The following VPS13D variants were observed in gnomAD, a reference collection of about 807,000 sequenced individuals.
The protein encoded by VPS13D is vacuolar protein sorting 13 homolog D, also known as intermembrane lipid transfer protein VPS13D.
In VPS13D, 187 loss-of-function variants were observed where a neutral mutation model predicts 461.9. The ratio of observed to expected loss-of-function variants is 0.40; its 90% confidence interval spans 0.36 to 0.46. VPS13D has a LOEUF of 0.46. VPS13D is among the 20% of genes least tolerant of loss of function. VPS13D has a pLI of 0.60. For synonymous variants in VPS13D, 1,951 were observed against 1,986.3 expected, an observed-to-expected ratio of 0.98 and a Z score of 0.47; for missense variants, 4,711 against 5,364.9, an observed-to-expected ratio of 0.88 and a Z score of 3.81.
At chr1:12,341,232 A>T (rs1039826294) in intron 40 of VPS13D, among the ~76,000 whole-genome samples, 1 of 152,218 alleles carries the variant, frequency 6.6e-6, no homozygotes, top group Admixed American at 6.5e-5. Context: ...TTTGTTTGAA[A>T]AGCTTTGAGA....
intron 46 of VPS13D, among the ~76,000 whole-genome samples, chr1:12,351,556 C>A (rs1557726494): frequency 6.6e-6 from 1 of 151,766 alleles, no homozygotes; most frequent in East Asian, 1.9e-4. Flanking sequence ...TCCCAAAGTG[C>A]TGGGATTACA....
intron 65 of VPS13D, among the ~76,000 whole-genome samples, chr1:12,455,181 A>G (rs1557449142): frequency 6.6e-6 from 1 of 152,158 alleles, no homozygotes; most frequent in Non-Finnish European, 1.5e-5. Context: ...CTTTCCATCG[A>G]TTTCGTTTTT....
chr1:12,342,809 T>G, intron 41 of VPS13D, 90 bp from the exon 42 acceptor site: 26 of 1,430,118 alleles, frequency 1.8e-5, no homozygotes, highest in Non-Finnish European at 2.3e-5. Context: ...AATTGAGTTG[T>G]GAGAAGGTTC....
chr1:12,366,955 C>T (rs141127031), intron 52 of VPS13D, among the ~76,000 whole-genome samples: 436 of 152,258 alleles, frequency 2.9e-3, no homozygotes, highest in Non-Finnish European at 4.3e-3. Context: ...AAATATAATA[C>T]TATTGTCACA....
intron 2 of VPS13D, among the ~76,000 whole-genome samples, chr1:12,237,991 A>G (rs1416500392): frequency 6.6e-6 from 1 of 152,002 alleles, no homozygotes; most frequent in Non-Finnish European, 1.5e-5. Context: ...CCCCGTCTGT[A>G]CTAAAAATAT....
chr1:12,275,502 G>T (rs1641583106), intron 18 of VPS13D, among the ~76,000 whole-genome samples: 3 of 152,174 alleles, frequency 2.0e-5, no homozygotes, highest in African/African-American at 7.2e-5. Context: ...ACGTAAGAAA[G>T]GGTTGGTGAA....
At chr1:12,478,219 C>G (rs996380192) in intron 67 of VPS13D, among the ~76,000 whole-genome samples, 1 of 152,286 alleles carries the variant, frequency 6.6e-6, no homozygotes, top group Non-Finnish European at 1.5e-5. Flanking sequence ...ACCCTGTAGT[C>G]CTCCGAAGCA....
intron 65 of VPS13D, among the ~76,000 whole-genome samples, chr1:12,437,699 C>T (rs1006778455): frequency 3.9e-5 from 6 of 151,926 alleles, no homozygotes; most frequent in East Asian, 1.9e-4. Context: ...ATTTTTGATT[C>T]GTAGTTTTAG....
chr1:12,258,097 TGACAA>T lies in VPS13D; in HGVS notation c.1106_1110del (p.Asp369GlyfsTer7), dbSNP rs1243882264. The T allele has an allele frequency of 6.2e-7, 1 of 1,614,066 alleles. No homozygotes were observed. Among genetic ancestry groups the T allele is most frequent in the Non-Finnish European group, 8.5e-7 (1 of 1,180,008 alleles). On this transcript the variant is annotated frameshift_variant and splice_region_variant, in exon 10 of 70. Transcript: ENST00000620676. LOFTEE classifies it high-confidence loss of function. ...TAAAAGGAGGCCTGCTGTCCACAGA[TGACAA>T]GGTAAGTGGACTGTGGTCTTGTGTT...
At chr1:12,385,535 T>G (rs1644339376) in intron 59 of VPS13D, among the ~76,000 whole-genome samples, 162 bp downstream of exon 59, 2 of 152,238 alleles carry the variant, frequency 1.3e-5, no homozygotes, top group African/African-American at 2.4e-5. Context: ...GTGAATGTAT[T>G]ATGTAAATGA....
At chr1:12,235,210 G>T (rs1277151173) in intron 2 of VPS13D, among the ~76,000 whole-genome samples, 1 of 152,180 alleles carries the variant, frequency 6.6e-6, no homozygotes, top group Non-Finnish European at 1.5e-5. Flanking sequence ...ACCAGAGCAG[G>T]TTAGAGAGAA....
In VPS13D at chr1:12,369,649, G is replaced by A. The variant is rs779699599; in HGVS notation, c.10755G>A (p.Arg3585=). The A allele has an allele frequency of 7.6e-5, 122 of 1,614,036 alleles. 1 individual carries two copies. The Admixed American group carries it at 2.0e-3, about 27-fold the overall frequency. Residue 3585 remains arginine, a synonymous_variant, in exon 54 of 70, where the codon CGG becomes CGA. Coordinates refer to ENST00000620676, the MANE Select transcript of VPS13D (RefSeq NM_015378.4). ...NCNMNDFQDN[R]QLYYENFIYI... is the part of the protein sequence containing the mutation. ...ACATGAATGATTTCCAGGATAATCGGCAGCTTTATTATGAAAATTTCATTT... is the reference window on the plus strand; with the variant it reads ...ACATGAATGATTTCCAGGATAATCGACAGCTTTATTATGAAAATTTCATTT...
Position 12,355,977 on chromosome 1 carries a change from G to A in VPS13D, c.9758G>A (p.Arg3253Gln), listed in dbSNP as rs1191625571. ...ACCCAAAACTATATGGTGAGAATGCGACTCTATGACGTCAACCGTCGGCAG... is the reference window on the plus strand; with the variant it reads ...ACCCAAAACTATATGGTGAGAATGCAACTCTATGACGTCAACCGTCGGCAG... The part of the protein sequence containing the change: ...PGTQNYMVRM[R>Q]LYDVNRRQLN... Residue 3253 changes from arginine to glutamine, a missense_variant, in exon 48 of 70, where the codon CGA becomes CAA. Arg to Gln is a conservative substitution (Grantham distance 43). Around this residue, in one of 3 missense-constraint regions of VPS13D, gnomAD observed 4,411 missense variants for 4,937.8 expected, o/e 0.89. Transcript: ENST00000620676. The A allele has an allele frequency of 2.0e-5, 33 of 1,612,848 alleles. No individual in the cohort carries two copies. The highest frequency in any genetic ancestry group is 2.8e-5 in the Non-Finnish European group (33 of 1,179,482).
At chr1:12,381,995 TCC>T in intron 57 of VPS13D, among the ~76,000 whole-genome samples, 1 of 135,972 alleles carries the variant, frequency 7.4e-6, no homozygotes, top group Non-Finnish European at 1.6e-5. Context: ...TCTCTCTCTC[TCC>T]TTCCTTCCTT....
At position 12,311,699 on chromosome 1, in the gene VPS13D, A is replaced by C. The variant is rs563013550; in HGVS notation, c.6822+74A>C. The C allele has an allele frequency of 5.3e-4, 837 of 1,591,422 alleles. 1 individual carries two copies. The highest frequency in any genetic ancestry group is 6.4e-4 in the Non-Finnish European group (748 of 1,166,846). ...GGTCACCCTGTGTATCTATTCCTCA[A>C]ACTCACTTGGAGAAAGAAGGTGGAG... is the stretch of plus-strand genomic sequence containing the variant. On this transcript the variant is annotated intron_variant, in intron 28 of 69. Transcript: ENST00000620676.
chr1:12,257,119 A>G (rs778830429), intron 9 of VPS13D, 32 bp downstream of exon 9: 3 of 1,579,956 alleles, frequency 1.9e-6, no homozygotes, highest in African/African-American at 1.3e-5. Flanking sequence ...CATGAAATTC[A>G]TGTTAGAGCC....
intron 46 of VPS13D, 113 bp from the exon 47 acceptor site, chr1:12,353,858 AAAT>A: frequency 3.7e-6 from 4 of 1,084,308 alleles, no homozygotes; most frequent in African/African-American, 1.6e-5. Context: ...TGAAAACTGC[AAAT>A]AATTTTACTC....
intron 67 of VPS13D, among the ~76,000 whole-genome samples, chr1:12,484,743 A>G (rs1203646420): frequency 6.6e-6 from 1 of 152,218 alleles, no homozygotes; most frequent in Non-Finnish European, 1.5e-5. Flanking sequence ...AAGTACAGAT[A>G]AAAGCTGGTT....
intron 65 of VPS13D, among the ~76,000 whole-genome samples, chr1:12,436,572 A>G (rs1011212683): frequency 6.6e-6 from 1 of 152,138 alleles, no homozygotes; most frequent in African/African-American, 2.4e-5. Context: ...ACTTAACTGA[A>G]TGTTTCACTT....
Sources: allele counts gnomAD v4.1 joint callset (sites outside exome capture counted in the v4.1 genomes callset), GRCh38; gene constraint gnomAD v4.1.1; regional missense constraint gnomAD v4.1.1; transcripts MANE v1.5; gene names NCBI Gene and HGNC (gene_info 2026-07-23, HGNC 2026-07-21).